The following NUP54 variants were observed in gnomAD, a reference collection of about 807,000 sequenced individuals.
The protein encoded by NUP54 is nucleoporin 54.
A neutral mutation model predicts 66.4 loss-of-function variants in NUP54; 27 were observed. The ratio of observed to expected loss-of-function variants is 0.41; its 90% confidence interval spans 0.30 to 0.56. The LOEUF (loss-of-function observed/expected upper bound fraction) is 0.56. Among genes scored for constraint, NUP54 ranks in the 20% least tolerant of loss-of-function variants. The pLI is 0.34. For synonymous variants in NUP54, 206 were observed against 210.7 expected (o/e 0.98, Z 0.19); for missense variants, 486 against 596.3 (o/e 0.82, Z 1.93).
At chr4:76,115,611 G>T (rs1729918895) in intron 11 of NUP54, 117 bp from the exon 12 acceptor site, 1 of 637,156 alleles carries the variant, frequency 1.6e-6, no homozygotes, top group Non-Finnish European at 2.5e-6. Flanking sequence ...CCTAGTAAGT[G>T]CTCTAAATAT....
At chr4:76,140,942 T>C (rs62300626) in intron 3 of NUP54, among the ~76,000 whole-genome samples, 20,034 of 152,198 alleles carry the variant, frequency 0.13, 1,548 homozygotes, top group East Asian at 0.35. Flanking sequence ...GTTAGAGTAG[T>C]GAAGACAGAA....
chr4:76,140,914 G>T (rs1001827729), intron 3 of NUP54, among the ~76,000 whole-genome samples: 4 of 152,168 alleles, frequency 2.6e-5, no homozygotes, highest in Non-Finnish European at 2.9e-5. Flanking sequence ...GAAATGGAAG[G>T]CCATGGAATC....
At chr4:76,136,534 C>T (rs1434391184) in intron 3 of NUP54, 122 bp from the exon 4 acceptor site, 3 of 664,226 alleles carry the variant, frequency 4.5e-6, no homozygotes, top group Non-Finnish European at 7.7e-6. Flanking sequence ...TCTACAGAAC[C>T]TATAAATATG....
chr4:76,144,583 T>A, intron 1 of NUP54, 110 bp from the exon 2 acceptor site: 1 of 804,094 alleles, frequency 1.2e-6, no homozygotes, highest in Non-Finnish European at 1.9e-6. Flanking sequence ...AATATATTGA[T>A]CTAATTTTTC....
Position 76,148,328 on chromosome 4 carries a change from G to T in NUP54, c.47C>A (p.Ala16Glu). The T allele has an allele frequency of 6.5e-7, 1 of 1,535,636 alleles. No individual in the cohort carries two copies. Among genetic ancestry groups the T allele is most frequent in the Non-Finnish European group, 8.8e-7 (1 of 1,141,164 alleles). Reference sequence around the variant, plus strand: ...CTCACCCGCGGGGGCCGCGGTGGCTGCAGCGGTACCGGAGGTGCCCGAGGG... The same window carrying T: ...CTCACCCGCGGGGGCCGCGGTGGCTTCAGCGGTACCGGAGGTGCCCGAGGG... ...GAPSGTSGTA[A>E]ATAAPAGGFG... Residue 16 changes from alanine to glutamate, a missense_variant, in exon 1 of 12, where the codon GCA (alanine) becomes GAA (glutamate). Physicochemically the swap from Ala to Glu is moderately radical, Grantham distance 107 (BLOSUM62 -1). Coordinates refer to ENST00000264883, the MANE Select transcript of NUP54 (RefSeq NM_017426.4).
chr4:76,146,877 C>A (rs930011238), intron 1 of NUP54, among the ~76,000 whole-genome samples: 15 of 152,184 alleles, frequency 9.9e-5, no homozygotes, highest in African/African-American at 3.6e-4. Context: ...TAAAACTAAA[C>A]TGCTCTCTTT....
At chr4:76,144,332 A>T in intron 2 of NUP54, 40 bp from the exon 3 acceptor site, 2 of 1,595,818 alleles carry the variant, frequency 1.3e-6, no homozygotes, top group Non-Finnish European at 1.7e-6. Flanking sequence ...TTAAAAAAAA[A>T]AAAAAATCTG....
chr4:76,120,353 C>T (rs1230981656), intron 9 of NUP54, among the ~76,000 whole-genome samples: 2 of 152,020 alleles, frequency 1.3e-5, no homozygotes, highest in African/African-American at 4.8e-5. Context: ...ACCCTTTCCC[C>T]ACATTCCTGT....
intron 8 of NUP54, among the ~76,000 whole-genome samples, chr4:76,126,954 AGATATT>A (rs1477584168): frequency 6.6e-6 from 1 of 152,174 alleles, no homozygotes; most frequent in East Asian, 1.9e-4. Flanking sequence ...TCATGCTACT[AGATATT>A]AAGATACACT....
intron 11 of NUP54, among the ~76,000 whole-genome samples, chr4:76,115,901 T>TG (rs1236982454): frequency 1.3e-5 from 2 of 152,350 alleles, no homozygotes; most frequent in African/African-American, 4.8e-5. Context: ...ATGGTGGTGA[T>TG]GACTACAGAT....
rs551583349 is a variant in NUP54, at chr4:76,130,955, A to C, written c.963-206T>G. The C allele has an allele frequency of 1.5e-5, 9 of 604,534 alleles. No individual in the cohort carries two copies. The Admixed American group carries it at 2.7e-4, about 18-fold the overall frequency. 37.4% of individuals were successfully genotyped at this position (604,534 alleles called of 1,614,324 possible). A position where few individuals can be genotyped will look rare whatever the true frequency, so the allele number is the denominator to read the frequency against. On this transcript the variant is annotated intron_variant, in intron 7 of 11. Coordinates refer to ENST00000264883, the MANE Select transcript of NUP54 (RefSeq NM_017426.4). ...AAATGAGGAAATACAGTTCAGTCAA[A>C]ACATTACATTATTAAATGAAAACGC...
intron 1 of NUP54, chr4:76,145,800 T>C (rs192122699): frequency 4.6e-4 from 120 of 259,788 alleles, no homozygotes; most frequent in Middle Eastern, 4.6e-3. Flanking sequence ...TCATCAATAT[T>C]GCAATATAGA....
chr4:76,119,381 G>C (rs1730124921), intron 9 of NUP54, among the ~76,000 whole-genome samples: 1 of 151,828 alleles, frequency 6.6e-6, no homozygotes, highest in Non-Finnish European at 1.5e-5. Flanking sequence ...CCTTTTTTTG[G>C]TTGTTGTTTT....
chr4:76,120,629 A>C (rs1376488755), intron 9 of NUP54, among the ~76,000 whole-genome samples: 1 of 151,980 alleles, frequency 6.6e-6, no homozygotes, highest in Non-Finnish European at 1.5e-5. Flanking sequence ...GGGTTTCACC[A>C]TCTTCGCCAG....
intron 3 of NUP54, among the ~76,000 whole-genome samples, chr4:76,143,500 AGGCTGAGGCAG>A (rs935331459): frequency 8.5e-5 from 13 of 152,190 alleles, no homozygotes; most frequent in African/African-American, 2.9e-4. Flanking sequence ...GCTACTCAGG[AGGCTGAGGCAG>A]AAGTATCGCT....
chr4:76,134,213 A>C lies in NUP54; in HGVS notation c.672T>G (p.Thr224=). The change falls in exon 5 of 12, where the codon ACT becomes ACG. Residue 224 remains threonine (T), a synonymous_variant. Coordinates refer to ENST00000264883, the MANE Select transcript of NUP54 (RefSeq NM_017426.4). ...ATGTTTTAGTGCCCTCTACATTTAC[A>C]GTAAGGGTCTGGTTTCCTCCCAAAA... The part of the protein sequence containing the change: ...HKVLGGNQTL[T]VNVEGTKTLP... The C allele has an allele frequency of 1.2e-6, 2 of 1,613,568 alleles. No homozygotes were observed. Among genetic ancestry groups the C allele is most frequent in the Non-Finnish European group, 1.7e-6 (2 of 1,179,592 alleles).
chr4:76,129,332 C>T (rs1439309510), intron 8 of NUP54, among the ~76,000 whole-genome samples: 1 of 152,148 alleles, frequency 6.6e-6, no homozygotes, highest in Admixed American at 6.5e-5. Flanking sequence ...TATATAACAA[C>T]AGCCCTTCAA....
At chr4:76,133,046 T>TCA (rs1405545034) in intron 5 of NUP54, among the ~76,000 whole-genome samples, 1 of 130,218 alleles carries the variant, frequency 7.7e-6, no homozygotes, top group Non-Finnish European at 1.6e-5. Context: ...TAAATATATA[T>TCA]GATATATATA....
chr4:76,123,097 T>C (rs921939549), intron 9 of NUP54, among the ~76,000 whole-genome samples: 7 of 152,218 alleles, frequency 4.6e-5, no homozygotes, highest in African/African-American at 1.7e-4. Flanking sequence ...GATTTGTCTG[T>C]AGGGTGACAG....
Sources: gnomAD v4.1 joint callset for allele counts (sites outside exome capture counted in the v4.1 genomes callset) on GRCh38, gnomAD v4.1.1 for gene constraint, MANE v1.5 for transcripts, NCBI Gene and HGNC (gene_info 2026-07-23, HGNC 2026-07-21) for gene names.